RBFOX1: variants seen among roughly 807,000 people sequenced by gnomAD.
RBFOX1 encodes the protein RNA binding fox-1 homolog 1.
A neutral mutation model predicts 57.7 loss-of-function variants in RBFOX1; 8 were observed. The ratio of observed to expected loss-of-function variants is 0.14; its 90% CI spans 0.08 to 0.25. The LOEUF is 0.25. RBFOX1 is among the 10% of genes least tolerant of loss of function. The pLI is 1.00. For missense variants in RBFOX1, 611 were observed against 548.5 expected (o/e 1.11, Z -1.14); for synonymous variants, 326 against 222.4 (o/e 1.47, Z -4.15).
At chr16:6,264,294 G>C (rs1027864847) in intron 1 of RBFOX1, among the ~76,000 whole-genome samples, 8 of 152,118 alleles carry the variant, frequency 5.3e-5, no homozygotes, top group Admixed American at 1.3e-4. Context: ...CCATAACCAT[G>C]CCATATCCCT....
intron 2 of RBFOX1, chr16:6,483,065 G>A (rs891601099): frequency 2.2e-6 from 2 of 908,138 alleles, no homozygotes; most frequent in Admixed American, 1.2e-4. Context: ...AGCCAGCTCG[G>A]AGCTTTGCAA....
At chr16:6,858,958 G>A (rs1006576762) in intron 3 of RBFOX1, among the ~76,000 whole-genome samples, 1 of 151,304 alleles carries the variant, frequency 6.6e-6, no homozygotes, top group East Asian at 1.9e-4. Flanking sequence ...GTCAATCAAA[G>A]GTAGGTAAAA....
intron 2 of RBFOX1, among the ~76,000 whole-genome samples, chr16:6,356,882 G>T (rs181310426): frequency 1.2e-4 from 19 of 152,268 alleles, no homozygotes; most frequent in African/African-American, 4.1e-4. Context: ...TACTCTCTCT[G>T]CAATTTTTTC....
At chr16:5,589,865 G>A (rs761105136) in intron 2 of RBFOX1, among the ~76,000 whole-genome samples, 2 of 152,136 alleles carry the variant, frequency 1.3e-5, no homozygotes, top group African/African-American at 2.4e-5. Context: ...GCCTTGGCCT[G>A]CAGAGGGTTG....
chr16:7,017,033 C>T (rs1180856136), intron 3 of RBFOX1, among the ~76,000 whole-genome samples: 3 of 152,114 alleles, frequency 2.0e-5, no homozygotes, highest in African/African-American at 7.2e-5. Context: ...TTGGCTTCAT[C>T]CTTCAGCCTC....
chr16:6,125,336 C>G (rs931594646), intron 1 of RBFOX1, among the ~76,000 whole-genome samples: 47 of 152,138 alleles, frequency 3.1e-4, no homozygotes, highest in African/African-American at 1.1e-3. Context: ...TTAAGAGGGC[C>G]TTTTTCTCCC....
At chr16:6,357,566 GCT>G (rs4036869) in intron 2 of RBFOX1, among the ~76,000 whole-genome samples, 11,805 of 150,148 alleles carry the variant, frequency 0.079, 512 homozygotes, top group African/African-American at 0.1. Flanking sequence ...TCTCTTGCTT[GCT>G]CTCTCTCTCT....
At chr16:6,673,950 C>T (rs1025755698) in intron 3 of RBFOX1, among the ~76,000 whole-genome samples, 2 of 152,146 alleles carry the variant, frequency 1.3e-5, no homozygotes, top group East Asian at 1.9e-4. Context: ...ATCTGCACAC[C>T]TCCAGAACAA....
At chr16:5,856,296 C>G (rs1446832400) in intron 3 of RBFOX1, among the ~76,000 whole-genome samples, 1 of 82,280 alleles carries the variant, frequency 1.2e-5, no homozygotes, top group African/African-American at 4.3e-5. Context: ...CACACACACA[C>G]ACACACACAC....
intron 1 of RBFOX1, among the ~76,000 whole-genome samples, chr16:5,411,884 A>T (rs961606652): frequency 6.6e-6 from 1 of 152,160 alleles, no homozygotes; most frequent in Non-Finnish European, 1.5e-5. Context: ...CCCTGTCTCA[A>T]AGGAAAAAAA....
chr16:7,300,440 A>G (rs1216427335), intron 4 of RBFOX1, among the ~76,000 whole-genome samples: 1 of 152,240 alleles, frequency 6.6e-6, no homozygotes, highest in Non-Finnish European at 1.5e-5. Context: ...ATGAAGATGG[A>G]GACTATATTG....
At chr16:5,821,531 G>A (rs752644266) in intron 3 of RBFOX1, among the ~76,000 whole-genome samples, 2 of 152,018 alleles carry the variant, frequency 1.3e-5, no homozygotes, top group Non-Finnish European at 2.9e-5. Flanking sequence ...TCCAGCTCCT[G>A]GGATCAAGTG....
At chr16:6,158,584 G>A (rs1289416362) in intron 1 of RBFOX1, among the ~76,000 whole-genome samples, 1 of 152,090 alleles carries the variant, frequency 6.6e-6, no homozygotes, top group Non-Finnish European at 1.5e-5. Flanking sequence ...GTGTTTTTTA[G>A]TTTCTTTTAA....
At chr16:5,759,631 G>A (rs1467383909) in intron 3 of RBFOX1, among the ~76,000 whole-genome samples, 1 of 152,044 alleles carries the variant, frequency 6.6e-6, no homozygotes, top group Non-Finnish European at 1.5e-5. Context: ...ATCTCCATTT[G>A]GGTAGAAGCA....
chr16:5,495,200 G>C (rs767954519), intron 2 of RBFOX1, among the ~76,000 whole-genome samples: 1 of 152,190 alleles, frequency 6.6e-6, no homozygotes, highest in Non-Finnish European at 1.5e-5. Context: ...AAGGTGTAAT[G>C]AGTTGGAAAT....
chr16:5,433,356 G>A (rs1347885699), intron 1 of RBFOX1, among the ~76,000 whole-genome samples: 6 of 152,088 alleles, frequency 3.9e-5, no homozygotes, highest in Non-Finnish European at 8.8e-5. Flanking sequence ...TCCTCTTTTC[G>A]CTCCTGGCTG....
At chr16:6,702,015 C>G (rs952641481) in intron 3 of RBFOX1, among the ~76,000 whole-genome samples, 1 of 152,044 alleles carries the variant, frequency 6.6e-6, no homozygotes, top group Non-Finnish European at 1.5e-5. Context: ...ACCTGGGTGA[C>G]AAAATAATCT....
At chr16:5,856,885 T>C (rs1264939691) in intron 3 of RBFOX1, among the ~76,000 whole-genome samples, 1 of 152,076 alleles carries the variant, frequency 6.6e-6, no homozygotes, top group African/African-American at 2.4e-5. Flanking sequence ...TCAGCAAGGC[T>C]GTTTCACTTT....
In RBFOX1 at chr16:6,557,166, T is replaced by C. The variant is rs536486900; in HGVS notation, c.-63-97437T>C. Among the ~76,000 whole-genome samples, 234 of 124,602 alleles carry C rather than the reference T, an allele frequency of 1.9e-3. 2 individuals carry two copies. The highest frequency in any genetic ancestry group is 3.9e-3 in the Middle Eastern group (1 of 258). The allele number at this position is 124,602 out of a possible 152,430, so 81.7% of individuals were successfully genotyped here. ...ATATATACACACATATATATACACATATATATATATACATATATATAATAA... is the reference window on the plus strand; with the variant it reads ...ATATATACACACATATATATACACACATATATATATACATATATATAATAA... On this transcript the variant is annotated intron_variant, in intron 2 of 15. Transcript: ENST00000550418.
Sources: allele counts gnomAD v4.1 joint callset (sites outside exome capture counted in the v4.1 genomes callset), GRCh38; gene constraint gnomAD v4.1.1; transcripts MANE v1.5; gene names NCBI Gene and HGNC (gene_info 2026-07-23, HGNC 2026-07-21).